SETBP1: variants seen among roughly 807,000 people sequenced by gnomAD.
SETBP1 encodes SET-binding protein.
In SETBP1, 9 loss-of-function variants were observed where a neutral mutation model predicts 101.0. The observed-to-expected ratio is 0.09, with a 90% CI of 0.05 to 0.16. The LOEUF (loss-of-function observed/expected upper bound fraction) is 0.16. SETBP1 is among the 10% of genes least tolerant of loss of function. The pLI, the probability that SETBP1 is intolerant of heterozygous loss-of-function variation, is 1.00. For missense variants in SETBP1, 1,858 were observed against 2,033.8 expected (o/e 0.91, Z 1.66); for synonymous variants, 818 against 788.5 (o/e 1.04, Z -0.63).
chr18:44,790,594 A>T (rs1388679727), intron 2 of SETBP1, among the ~76,000 whole-genome samples: 1 of 152,220 alleles, frequency 6.6e-6, no homozygotes, highest in Non-Finnish European at 1.5e-5. Context: ...TTTCAAGTAT[A>T]TTCCCAGGAT....
chr18:44,925,393 G>T (rs927428390), intron 3 of SETBP1, among the ~76,000 whole-genome samples: 3 of 152,086 alleles, frequency 2.0e-5, no homozygotes, highest in Non-Finnish European at 4.4e-5. Context: ...GAAAAACCAG[G>T]CTGGATAGTC....
At chr18:45,053,829 A>G (rs1054834670) in intron 5 of SETBP1, among the ~76,000 whole-genome samples, 1 of 152,130 alleles carries the variant, frequency 6.6e-6, no homozygotes, top group African/African-American at 2.4e-5. Context: ...ACATGCATGC[A>G]CAATAGTTGG....
intron 2 of SETBP1, among the ~76,000 whole-genome samples, chr18:44,780,942 C>T (rs949562834): frequency 1.9e-4 from 29 of 152,090 alleles, no homozygotes; most frequent in Non-Finnish European, 3.2e-4. Context: ...ATCTGGCTGG[C>T]GGGGGAAAGA....
At chr18:45,034,463 C>A (rs903697945) in intron 4 of SETBP1, among the ~76,000 whole-genome samples, 1 of 151,808 alleles carries the variant, frequency 6.6e-6, no homozygotes, top group Admixed American at 6.6e-5. Flanking sequence ...GATAAGTGGT[C>A]TATGAGAAAT....
At chr18:44,743,354 C>T (rs571974934) in intron 2 of SETBP1, among the ~76,000 whole-genome samples, 7 of 152,234 alleles carry the variant, frequency 4.6e-5, no homozygotes, top group African/African-American at 9.6e-5. Context: ...CAACAACAAC[C>T]GACCCTTCCA....
intron 2 of SETBP1, among the ~76,000 whole-genome samples, chr18:44,743,454 T>C (rs2070145130): frequency 6.6e-6 from 1 of 152,174 alleles, no homozygotes; most frequent in African/African-American, 2.4e-5. Flanking sequence ...CCTTTTTGAA[T>C]TTCAAAGGTA....
At chr18:44,871,979 AC>A (rs1448409629) in intron 3 of SETBP1, 4 of 152,060 alleles carry the variant, frequency 2.6e-5, no homozygotes, top group African/African-American at 9.7e-5. Flanking sequence ...TTCACACCTA[AC>A]CCACCCTGAC....
chr18:44,715,136 G>A (rs899428584), intron 2 of SETBP1, among the ~76,000 whole-genome samples: 1 of 152,142 alleles, frequency 6.6e-6, no homozygotes, highest in Non-Finnish European at 1.5e-5. Context: ...TGCCCTGCTG[G>A]GGCATCTTTA....
intron 3 of SETBP1, among the ~76,000 whole-genome samples, chr18:44,874,778 G>A (rs1179555182): frequency 1.3e-5 from 2 of 152,134 alleles, no homozygotes; most frequent in African/African-American, 4.8e-5. Context: ...ATCATCAGAG[G>A]ACACAACCAT....
At chr18:45,025,961 C>G (rs775329876) in intron 4 of SETBP1, among the ~76,000 whole-genome samples, 1 of 152,150 alleles carries the variant, frequency 6.6e-6, no homozygotes, top group Non-Finnish European at 1.5e-5. Context: ...ATATCAAGCT[C>G]TTTTTTCAAT....
intron 3 of SETBP1, among the ~76,000 whole-genome samples, chr18:44,875,985 A>G (rs768209893): frequency 7.2e-5 from 11 of 152,234 alleles, no homozygotes; most frequent in Non-Finnish European, 1.5e-4. Flanking sequence ...TCGTTTTTGA[A>G]GATTGTATTG....
At chr18:44,808,426 C>G (rs1391841872) in intron 2 of SETBP1, among the ~76,000 whole-genome samples, 1 of 152,198 alleles carries the variant, frequency 6.6e-6, no homozygotes, top group African/African-American at 2.4e-5. Flanking sequence ...TTGAAGCCAT[C>G]ATTTCAGAGT....
intron 2 of SETBP1, among the ~76,000 whole-genome samples, chr18:44,703,931 A>C (rs2069166431): frequency 6.6e-6 from 1 of 152,190 alleles, no homozygotes; most frequent in South Asian, 2.1e-4. Context: ...TGAGTTGGCC[A>C]GTTCTTTGTG....
chr18:44,895,614 G>A (rs1360991094), intron 3 of SETBP1, among the ~76,000 whole-genome samples: 4 of 152,108 alleles, frequency 2.6e-5, no homozygotes, highest in African/African-American at 9.7e-5. Flanking sequence ...ACAGAGAAGT[G>A]CTCTTTCCAT....
chr18:44,833,160 T>C (rs1158157260), intron 2 of SETBP1, among the ~76,000 whole-genome samples: 2 of 152,212 alleles, frequency 1.3e-5, no homozygotes, highest in African/African-American at 4.8e-5. Context: ...CCTTGGAGTT[T>C]TGATAGAAGT....
chr18:45,054,830 C>T (rs1220101920), intron 5 of SETBP1, among the ~76,000 whole-genome samples: 3 of 152,128 alleles, frequency 2.0e-5, no homozygotes, highest in Admixed American at 6.5e-5. Flanking sequence ...AAATAACTGG[C>T]GTTATTTCCT....
intron 2 of SETBP1, among the ~76,000 whole-genome samples, chr18:44,816,655 A>C (rs2071985446): frequency 6.6e-6 from 1 of 152,202 alleles, no homozygotes; most frequent in South Asian, 2.1e-4. Context: ...CTGCCTGCTG[A>C]AATAAATGCT....
At chr18:44,797,260 A>G (rs2071500602) in intron 2 of SETBP1, among the ~76,000 whole-genome samples, 1 of 152,218 alleles carries the variant, frequency 6.6e-6, no homozygotes, top group South Asian at 2.1e-4. Flanking sequence ...GTTGTCTCAC[A>G]TATGTTTAAA....
rs143866285 is a variant in SETBP1, at chr18:44,735,071, T to G, written c.486+33239T>G. Among the ~76,000 whole-genome samples the G allele has an allele frequency of 2.5e-3, 388 of 152,356 alleles. 1 individual carries two copies. The highest frequency in any genetic ancestry group is 8.9e-3 in the African/African-American group (370 of 41,584). On this transcript the variant is annotated intron_variant, in intron 2 of 5. Transcript: ENST00000649279. ...TTAGAGATATTCACTAATATAATAT[T>G]GTAAAGTTGGAAAGCCACACCTCAA...
Sources: gnomAD v4.1 joint callset for allele counts (sites outside exome capture counted in the v4.1 genomes callset) on GRCh38, gnomAD v4.1.1 for gene constraint, MANE v1.5 for transcripts, NCBI Gene and HGNC (gene_info 2026-07-23, HGNC 2026-07-21) for gene names.